Variants in OLFM2 observed in about 807,000 individuals in gnomAD.
OLFM2 encodes noelin-2.
In OLFM2, 20 loss-of-function variants were observed where a neutral mutation model predicts 43.9. That is an observed-to-expected ratio of 0.46 (90% CI 0.32 to 0.66). The LOEUF is 0.66. Among genes scored for constraint, OLFM2 ranks in the 30% least tolerant of loss-of-function variants. The pLI, the probability that OLFM2 is intolerant of heterozygous loss-of-function variation, is 0.04. For missense variants in OLFM2, 416 were observed against 643.6 expected (o/e 0.65, Z 3.83); for synonymous variants, 268 against 278.6 (o/e 0.96, Z 0.38).
At chr19:9,866,426 A>G (rs2046402564) in intron 1 of OLFM2, among the ~76,000 whole-genome samples, 1 of 151,920 alleles carries the variant, frequency 6.6e-6, no homozygotes, top group Non-Finnish European at 1.5e-5. Flanking sequence ...GGCGTTCTCC[A>G]GCATAGAAGT....
At chr19:9,921,840 T>G (rs1208173274) in intron 1 of OLFM2, among the ~76,000 whole-genome samples, 2 of 152,080 alleles carry the variant, frequency 1.3e-5, no homozygotes, top group East Asian at 3.9e-4. Flanking sequence ...ACGCCTGTCA[T>G]CCCAGCACTT....
chr19:9,919,267 T>C (rs921091045), intron 1 of OLFM2, among the ~76,000 whole-genome samples: 8 of 150,684 alleles, frequency 5.3e-5, no homozygotes, highest in South Asian at 2.1e-4. Context: ...CCCAGGCTCA[T>C]GCCATTCTCC....
intron 1 of OLFM2, among the ~76,000 whole-genome samples, chr19:9,935,985 C>T (rs923578867): frequency 1.3e-5 from 2 of 151,866 alleles, no homozygotes; most frequent in African/African-American, 4.8e-5. Flanking sequence ...CTCCAATGCC[C>T]CCTGAAGTTT....
intron 1 of OLFM2, among the ~76,000 whole-genome samples, chr19:9,908,464 A>ATTTTTTTTTTTTTTTTTTT (rs34305631): frequency 2.5e-5 from 1 of 40,344 alleles, no homozygotes; most frequent in African/African-American, 1.2e-4. Flanking sequence ...CACCTGGCTA[A>ATTTTTTTTTTTTTTTTTTT]TTTTTTTTTT....
intron 2 of OLFM2, among the ~76,000 whole-genome samples, chr19:9,858,915 T>C (rs934119088): frequency 2.6e-5 from 4 of 151,766 alleles, no homozygotes; most frequent in African/African-American, 9.7e-5. Context: ...CTCACTTGGC[T>C]AAGATGAACA....
At chr19:9,918,527 A>G (rs1488934359) in intron 1 of OLFM2, among the ~76,000 whole-genome samples, 1 of 152,108 alleles carries the variant, frequency 6.6e-6, no homozygotes, top group African/African-American at 2.4e-5. Flanking sequence ...AATTCCATCT[A>G]CCCAAGAGAA....
rs1009884578 is a variant in OLFM2 at position 9,853,766 on chromosome 19, G to A, written c.*420C>T. ...TTCCGGCAAACCGGAAAGAAAAAGT[G>A]TAAATAAAAAAAGAAACAGATCCAT... On this transcript the variant is annotated 3_prime_UTR_variant, in exon 6 of 6. Transcript: ENST00000264833. The A allele has an allele frequency of 2.8e-6, 1 of 360,730 alleles. No individual in the cohort carries two copies. The highest frequency in any genetic ancestry group is 2.3e-5 in the African/African-American group (1 of 44,092). 22.3% of individuals were successfully genotyped at this position (360,730 alleles called of 1,614,324 possible). A position where few individuals can be genotyped will look rare whatever the true frequency, so the allele number is the denominator to read the frequency against.
At position 9,856,605 on chromosome 19, in the gene OLFM2, G is replaced by A. The variant is rs747092556; in HGVS notation, c.687+202C>T. On this transcript the variant is annotated intron_variant, in intron 5 of 5. Transcript: ENST00000264833. This position sits in a 1 kb window ranked among gnomAD's most constrained non-coding sequence, Gnocchi z 4.0. ...CATTAGCCACTATACAGACACTGGA[G>A]GTCAACAGAGTGGGATTCACAAGGC... Among the ~76,000 whole-genome samples, 2 of 152,244 alleles carry A rather than the reference G, an allele frequency of 1.3e-5. No homozygotes were observed. Among genetic ancestry groups the A allele is most frequent in the African/African-American group, 2.4e-5 (1 of 41,470 alleles).
chr19:9,858,821 A>G (rs2046344285), intron 2 of OLFM2, among the ~76,000 whole-genome samples: 1 of 152,108 alleles, frequency 6.6e-6, no homozygotes, highest in Admixed American at 6.6e-5. Context: ...TGGCTTAAGT[A>G]GACTCTCACC....
chr19:9,935,977 C>G (rs2086512095), intron 1 of OLFM2, among the ~76,000 whole-genome samples: 1 of 152,174 alleles, frequency 6.6e-6, no homozygotes, highest in Admixed American at 6.5e-5. Flanking sequence ...CCGCCCCCCT[C>G]CAATGCCCCC....
intron 1 of OLFM2, among the ~76,000 whole-genome samples, chr19:9,924,298 C>G (rs1278892796): frequency 7.0e-6 from 1 of 142,892 alleles, no homozygotes; most frequent in Admixed American, 7.5e-5. Context: ...CCCAGCTATT[C>G]GGGAAGCTGA....
chr19:9,900,988 A>AAGGAAGGG lies in OLFM2; in HGVS notation c.63+35315_63+35316insCCCTTCCT, dbSNP rs1401980050. Among the ~76,000 whole-genome samples the AAGGAAGGG allele has an allele frequency of 4.4e-3, 124 of 28,376 alleles. 6 individuals are homozygous for AAGGAAGGG. The highest frequency in any genetic ancestry group is 0.039 in the African/African-American group (100 of 2,550). 18.6% of individuals were successfully genotyped at this position (28,376 alleles called of 152,430 possible). A position where few individuals can be genotyped will look rare whatever the true frequency, so the allele number is the denominator to read the frequency against. Reference sequence around the variant, plus strand: ...GAAGGAAGGAAGGAAGGAAGGAAGGAAGGGAGGGAGGGGGGAGGGAGGGAA... The same window carrying AAGGAAGGG: ...GAAGGAAGGAAGGAAGGAAGGAAGGAAGGAAGGGAGGGAGGGAGGGGGGAGGGAGGGAA... On this transcript the variant is annotated intron_variant, in intron 1 of 5. Coordinates refer to ENST00000264833, the MANE Select transcript of OLFM2 (RefSeq NM_058164.4).
chr19:9,893,605 T>C (rs1464934774), intron 1 of OLFM2, among the ~76,000 whole-genome samples: 1 of 152,156 alleles, frequency 6.6e-6, no homozygotes, highest in African/African-American at 2.4e-5. Flanking sequence ...ACGTTCACAA[T>C]CAGGTGAGGA....
rs376587644 is a variant in OLFM2, at chr19:9,856,929, A to G, written c.581-16T>C. ...TTCCCACAGCCTGGGAGGCAGGAAC[A>G]GGGGGAATGAGGATGGGGAAATGAA... On this transcript the variant is annotated splice_polypyrimidine_tract_variant and intron_variant, in intron 4 of 5. Coordinates refer to ENST00000264833, the MANE Select transcript of OLFM2 (RefSeq NM_058164.4). This position sits in a 1 kb window ranked among gnomAD's most constrained non-coding sequence, Gnocchi z 4.0. The G allele has an allele frequency of 6.3e-6, 10 of 1,575,142 alleles. No individual in the cohort carries two copies. The African/African-American group carries it at 1.1e-4, about 17-fold the overall frequency.
intron 1 of OLFM2, among the ~76,000 whole-genome samples, chr19:9,876,436 A>G (rs2145449559): frequency 6.6e-6 from 1 of 152,278 alleles, no homozygotes; most frequent in East Asian, 1.9e-4. Context: ...AGGAGGTGAC[A>G]TTGATCAACC....
At chr19:9,915,754 G>A (rs2046871517) in intron 1 of OLFM2, among the ~76,000 whole-genome samples, 1 of 151,686 alleles carries the variant, frequency 6.6e-6, no homozygotes, top group South Asian at 2.1e-4. Context: ...TCCTGACTTC[G>A]TGATCTGCCC....
chr19:9,864,336 T>C (rs1247519511), intron 1 of OLFM2, among the ~76,000 whole-genome samples: 1 of 152,198 alleles, frequency 6.6e-6, no homozygotes, highest in African/African-American at 2.4e-5. Context: ...ACTCTCGCTG[T>C]GTCTCCCAGG....
intron 1 of OLFM2, among the ~76,000 whole-genome samples, chr19:9,935,756 G>A (rs1238542415): frequency 3.4e-5 from 5 of 148,070 alleles, no homozygotes. Flanking sequence ...CCCCCCAACC[G>A]CCACACACAC....
intron 1 of OLFM2, among the ~76,000 whole-genome samples, chr19:9,882,546 G>T (rs1599478781): frequency 7.5e-6 from 1 of 132,536 alleles, no homozygotes; most frequent in South Asian, 2.4e-4. Context: ...TCAAAAAAAA[G>T]AATTAAATAC....
Sources: allele counts gnomAD v4.1 joint callset (sites outside exome capture counted in the v4.1 genomes callset), GRCh38; gene constraint gnomAD v4.1.1; non-coding constraint Gnocchi (gnomAD v3.1); transcripts MANE v1.5; gene names NCBI Gene and HGNC (gene_info 2026-07-23, HGNC 2026-07-21).